KCNN2: variants seen among roughly 807,000 people sequenced by gnomAD.
KCNN2 encodes small conductance calcium-activated potassium channel protein 2.
KCNN2 carries 24 observed loss-of-function variants against 55.5 expected under a neutral mutation model. The observed-to-expected ratio is 0.43, with a 90% CI of 0.31 to 0.61. KCNN2 has a LOEUF of 0.61. Among genes scored for constraint, KCNN2 ranks in the 20% least tolerant of loss-of-function variants. The pLI is 0.08. For missense variants in KCNN2, 754 were observed against 853.6 expected, an observed-to-expected ratio of 0.88 and a Z score of 1.45; for synonymous variants, 431 against 336.1, an observed-to-expected ratio of 1.28 and a Z score of -3.09.
chr5:114,453,181 A>G (rs1175190091), intron 3 of KCNN2, among the ~76,000 whole-genome samples: 1 of 152,192 alleles, frequency 6.6e-6, no homozygotes, highest in East Asian at 1.9e-4. Context: ...TCTGTGTCCC[A>G]GGTGAGCTTA....
At chr5:114,484,247 C>A (rs992869125) in intron 5 of KCNN2, among the ~76,000 whole-genome samples, 4 of 152,024 alleles carry the variant, frequency 2.6e-5, no homozygotes, top group African/African-American at 9.7e-5. Context: ...GACAAAAGGG[C>A]ATTCAAGTGT....
intron 1 of KCNN2, among the ~76,000 whole-genome samples, chr5:114,178,382 A>C (rs1455732775): frequency 6.6e-6 from 1 of 152,198 alleles, no homozygotes; most frequent in Non-Finnish European, 1.5e-5. Flanking sequence ...ATTCACACAC[A>C]GCTCAGCTAT....
At chr5:114,137,797 T>C (rs1752203175) in intron 1 of KCNN2, among the ~76,000 whole-genome samples, 1 of 152,034 alleles carries the variant, frequency 6.6e-6, no homozygotes, top group Non-Finnish European at 1.5e-5. Context: ...ACTGGATAAA[T>C]AGTGTAGAAA....
At chr5:114,326,828 A>G (rs1389097374) in intron 2 of KCNN2, among the ~76,000 whole-genome samples, 2 of 152,190 alleles carry the variant, frequency 1.3e-5, no homozygotes, top group Non-Finnish European at 2.9e-5. Context: ...GAATATAGCT[A>G]TAGCAGCCAT....
intron 2 of KCNN2, among the ~76,000 whole-genome samples, chr5:114,394,091 C>T (rs1758540492): frequency 1.3e-5 from 2 of 152,218 alleles, no homozygotes; most frequent in East Asian, 3.9e-4. Context: ...AATTGCTCTC[C>T]TCCGATTGTA....
chr5:114,403,983 T>C (rs1289913384), intron 2 of KCNN2, among the ~76,000 whole-genome samples: 3 of 152,250 alleles, frequency 2.0e-5, no homozygotes, highest in African/African-American at 7.2e-5. Context: ...AGAACGCTCA[T>C]GTGTTGTTGC....
chr5:114,160,643 C>G (rs1012110136), intron 1 of KCNN2, among the ~76,000 whole-genome samples: 2 of 152,046 alleles, frequency 1.3e-5, no homozygotes, highest in Non-Finnish European at 1.5e-5. Flanking sequence ...GAGTCTAAGT[C>G]TCTTTGTAGG....
intron 2 of KCNN2, among the ~76,000 whole-genome samples, chr5:114,283,746 G>A (rs987185545): frequency 1.9e-4 from 29 of 152,140 alleles, no homozygotes; most frequent in Non-Finnish European, 3.8e-4. Flanking sequence ...TTGTATTCCA[G>A]GTACCTGGGA....
chr5:114,357,399 C>T (rs572293685), upstream of KCNN2, among the ~76,000 whole-genome samples: 211 of 139,542 alleles, frequency 1.5e-3, no homozygotes, highest in Non-Finnish European at 2.5e-3. Context: ...GCTGCACCCA[C>T]TAACTCGTCA....
chr5:114,268,853 A>G (rs1375145573), intron 2 of KCNN2, among the ~76,000 whole-genome samples: 1 of 151,984 alleles, frequency 6.6e-6, no homozygotes, highest in Non-Finnish European at 1.5e-5. Context: ...GAGTACCACA[A>G]AAAGAGCTAT....
intron 2 of KCNN2, among the ~76,000 whole-genome samples, chr5:114,385,826 T>G (rs1758264018): frequency 7.2e-6 from 1 of 138,252 alleles, no homozygotes; most frequent in African/African-American, 2.7e-5. Flanking sequence ...ATTGTTCAGG[T>G]TTTTTTTTTG....
chr5:114,425,156 A>G (rs559760554), intron 3 of KCNN2, among the ~76,000 whole-genome samples: 42 of 152,176 alleles, frequency 2.8e-4, no homozygotes, highest in Non-Finnish European at 5.1e-4. Flanking sequence ...AGATACTACA[A>G]TTTGTTCTAC....
intron 1 of KCNN2, among the ~76,000 whole-genome samples, chr5:114,142,161 T>A (rs1752297838): frequency 6.6e-6 from 1 of 152,236 alleles, no homozygotes; most frequent in Non-Finnish European, 1.5e-5. Flanking sequence ...CAATTTTGGC[T>A]TTTGTTGCCA....
At chr5:114,269,841 G>A (rs972844577) in intron 2 of KCNN2, among the ~76,000 whole-genome samples, 2 of 152,126 alleles carry the variant, frequency 1.3e-5, no homozygotes, top group Non-Finnish European at 2.9e-5. Context: ...GATCAGTTTG[G>A]ATTCAGTATC....
intron 2 of KCNN2, among the ~76,000 whole-genome samples, chr5:114,279,329 T>C (rs574893844): frequency 6.6e-6 from 1 of 152,222 alleles, no homozygotes; most frequent in East Asian, 1.9e-4. Context: ...TACTTTAAGT[T>C]TTAGGGTACA....
At chr5:114,064,295 T>G (rs1228187484) in intron 1 of KCNN2, among the ~76,000 whole-genome samples, 1 of 152,210 alleles carries the variant, frequency 6.6e-6, no homozygotes, top group African/African-American at 2.4e-5. Context: ...TCCTGCTGCT[T>G]TTGTGACTTG....
chr5:114,310,237 G>T (rs140963111), intron 2 of KCNN2, among the ~76,000 whole-genome samples: 32 of 152,186 alleles, frequency 2.1e-4, no homozygotes, highest in African/African-American at 7.5e-4. Flanking sequence ...GAGAGAGAGG[G>T]AGAGACCACG....
chr5:114,440,650 C>T (rs1009439475), intron 3 of KCNN2, among the ~76,000 whole-genome samples: 8 of 117,784 alleles, frequency 6.8e-5, no homozygotes, highest in Admixed American at 2.5e-4. Context: ...TTCTAAGGGT[C>T]ATGTACCTGC....
At chr5:114,458,917 C>T (rs918918995) in intron 3 of KCNN2, among the ~76,000 whole-genome samples, 2 of 152,216 alleles carry the variant, frequency 1.3e-5, no homozygotes, top group Non-Finnish European at 1.5e-5. Context: ...AGGATAACAG[C>T]ATACCTCCCA....
Sources: gnomAD v4.1 joint callset for allele counts (sites outside exome capture counted in the v4.1 genomes callset) on GRCh38, gnomAD v4.1.1 for gene constraint, MANE v1.5 for transcripts, NCBI Gene and HGNC (gene_info 2026-07-23, HGNC 2026-07-21) for gene names.